The following SOX6 variants were observed in gnomAD, a reference collection of about 807,000 sequenced individuals.
SOX6 encodes the protein transcription factor SOX-6.
Under a neutral mutation model 97.8 loss-of-function variants are expected in SOX6, and 11 were observed. The observed-to-expected ratio is 0.11, with a 90% confidence interval of 0.07 to 0.19. The LOEUF (loss-of-function observed/expected upper bound fraction) is 0.19. SOX6 is among the 10% of genes least tolerant of loss of function. The pLI is 1.00. For synonymous variants in SOX6, 360 were observed against 371.4 expected, an observed-to-expected ratio of 0.97 and a Z score of 0.35; for missense variants, 810 against 1,039.5, an observed-to-expected ratio of 0.78 and a Z score of 3.04.
chr11:16,383,034 G>C (rs1363642462), intron 1 of SOX6, among the ~76,000 whole-genome samples: 1 of 151,962 alleles, frequency 6.6e-6, no homozygotes, highest in Admixed American at 6.6e-5. Flanking sequence ...ATACAATGGT[G>C]TATTAGCTTC....
intron 3 of SOX6, among the ~76,000 whole-genome samples, chr11:16,250,533 G>A (rs1229598631): frequency 3.3e-5 from 5 of 151,758 alleles, no homozygotes; most frequent in Non-Finnish European, 7.4e-5. Flanking sequence ...AGATAAGTGG[G>A]GTTATATCAT....
intron 3 of SOX6, among the ~76,000 whole-genome samples, chr11:16,294,393 T>C (rs944716255): frequency 1.3e-5 from 2 of 152,140 alleles, no homozygotes; most frequent in Admixed American, 6.6e-5. Flanking sequence ...CTTTGGGCAA[T>C]TGGACATCGT....
chr11:16,679,358 G>A (rs1827322), intron 3 of SOX6, among the ~76,000 whole-genome samples: 1,693 of 152,304 alleles, frequency 0.011, 24 homozygotes, highest in African/African-American at 0.039. Context: ...AACTCCAACA[G>A]ACCTTCAGCT....
intron 1 of SOX6, among the ~76,000 whole-genome samples, chr11:16,445,169 T>A (rs1859587021): frequency 6.6e-6 from 1 of 152,188 alleles, no homozygotes; most frequent in Non-Finnish European, 1.5e-5. Context: ...GGGCTTGCAT[T>A]CTACATAGAG....
At chr11:15,989,309 G>T in intron 13 of SOX6, 79 bp from the exon 14 acceptor site, 2 of 1,236,950 alleles carry the variant, frequency 1.6e-6, no homozygotes, top group South Asian at 1.6e-5. Context: ...TGCCGCCTGG[G>T]TCAGCTGTTT....
intron 4 of SOX6, among the ~76,000 whole-genome samples, chr11:16,492,728 A>C (rs1474101649): frequency 6.6e-6 from 1 of 152,202 alleles, no homozygotes; most frequent in Non-Finnish European, 1.5e-5. Context: ...ATCCAAACTA[A>C]GACTACAAAC....
upstream of SOX6, among the ~76,000 whole-genome samples, chr11:16,358,286 T>C (rs1227059682): frequency 6.6e-6 from 1 of 152,172 alleles, no homozygotes; most frequent in Non-Finnish European, 1.5e-5. Flanking sequence ...CACTCTGCCA[T>C]TCTCCTGCCA....
chr11:16,083,902 TG>T (rs1480352923), intron 9 of SOX6, among the ~76,000 whole-genome samples: 1 of 152,188 alleles, frequency 6.6e-6, no homozygotes, highest in Non-Finnish European at 1.5e-5. Flanking sequence ...GTGGTAGAGT[TG>T]GGACTTGACC....
chr11:16,438,895 G>A (rs1859443545), intron 1 of SOX6, among the ~76,000 whole-genome samples: 1 of 152,104 alleles, frequency 6.6e-6, no homozygotes, highest in Admixed American at 6.6e-5. Flanking sequence ...AAATGCCACA[G>A]AAGTAACCTT....
intron 1 of SOX6, among the ~76,000 whole-genome samples, chr11:16,395,830 T>C (rs929069957): frequency 6.6e-6 from 1 of 151,786 alleles, no homozygotes; most frequent in African/African-American, 2.4e-5. Flanking sequence ...GATATAAAAC[T>C]AGAAAAGGCT....
intron 15 of SOX6, among the ~76,000 whole-genome samples, chr11:15,974,605 T>G (rs534238741): frequency 4.1e-4 from 60 of 145,664 alleles, no homozygotes; most frequent in Non-Finnish European, 6.1e-4. Flanking sequence ...GTGATCTCAT[T>G]GTTCAATTCC....
chr11:16,445,210 A>T (rs1859587867), intron 1 of SOX6, among the ~76,000 whole-genome samples: 1 of 152,222 alleles, frequency 6.6e-6, no homozygotes, highest in Non-Finnish European at 1.5e-5. Context: ...ACATGGTAAC[A>T]CTAGAGTAAC....
At chr11:16,602,969 C>G (rs2133978373) in intron 4 of SOX6, among the ~76,000 whole-genome samples, 1 of 151,782 alleles carries the variant, frequency 6.6e-6, no homozygotes, top group East Asian at 1.9e-4. Context: ...TACAGTGAGC[C>G]GAGATCACGC....
chr11:16,726,222 A>T (rs1167049135), intron 2 of SOX6, among the ~76,000 whole-genome samples: 1 of 152,242 alleles, frequency 6.6e-6, no homozygotes, highest in African/African-American at 2.4e-5. Context: ...CAGCCTGGCC[A>T]ACATGGTGAA....
chr11:16,034,532 G>T (rs1324911689), intron 12 of SOX6, among the ~76,000 whole-genome samples: 1 of 152,178 alleles, frequency 6.6e-6, no homozygotes, highest in East Asian at 1.9e-4. Context: ...TTAAGACAAT[G>T]CTGAGAGGGA....
chr11:16,581,382 T>C (rs1848030917), intron 4 of SOX6, among the ~76,000 whole-genome samples: 2 of 151,864 alleles, frequency 1.3e-5, no homozygotes, highest in Non-Finnish European at 2.9e-5. Flanking sequence ...CCCTCACTCA[T>C]AAGTGGGAGT....
intron 3 of SOX6, among the ~76,000 whole-genome samples, chr11:16,694,949 A>AT (rs1848042407): frequency 6.6e-6 from 1 of 152,372 alleles, no homozygotes; most frequent in Admixed American, 6.5e-5. Flanking sequence ...ATTAGGCATT[A>AT]TAAGTAATTT....
At position 16,249,096 on chromosome 11, in the gene SOX6, C is replaced by CA. The variant is rs1554948939; in HGVS notation, c.446-14426dup. 2.2e-3 allele frequency among the ~76,000 whole-genome samples: 322 copies of CA among 146,736 alleles called. 7 individuals are homozygous for CA. In the East Asian group the frequency reaches 0.051, roughly 23 times the overall value. On this transcript the variant is annotated intron_variant, in intron 3 of 15. Transcript: ENST00000683767. ...AGCTTCGGCAACAGAGGCTCTGTCT[C>CA]AAAAAAAAAAAAGAAAAAGAAAAAA...
intron 9 of SOX6, among the ~76,000 whole-genome samples, chr11:16,064,675 G>C (rs1035508035): frequency 3.3e-5 from 5 of 151,720 alleles, no homozygotes; most frequent in Non-Finnish European, 7.4e-5. Flanking sequence ...TCATGACCAA[G>C]TGGGATTTAT....
Sources: allele counts gnomAD v4.1 joint callset (sites outside exome capture counted in the v4.1 genomes callset), GRCh38; gene constraint gnomAD v4.1.1; transcripts MANE v1.5; gene names NCBI Gene and HGNC (gene_info 2026-07-23, HGNC 2026-07-21).